MTCL3: variants seen among roughly 807,000 people sequenced by gnomAD.
The protein encoded by MTCL3 is MTCL family member 3.
the MTCL3 span, among the ~76,000 whole-genome samples, chr6:127,514,209 T>A: frequency 0.018 from 2,757 of 152,122 alleles, 99 homozygotes; most frequent in African/African-American, 0.063. Context: ...AATTGCACTT[T>A]AAAAAAATGA....
the MTCL3 span, among the ~76,000 whole-genome samples, chr6:127,489,866 G>A: frequency 6.6e-6 from 1 of 152,244 alleles, no homozygotes; most frequent in East Asian, 1.9e-4. Flanking sequence ...GCTGCAGCAT[G>A]CTATTGGGAA....
At chr6:127,506,319 A>G in the MTCL3 span, among the ~76,000 whole-genome samples, 1 of 152,152 alleles carries the variant, frequency 6.6e-6, no homozygotes, top group Non-Finnish European at 1.5e-5. Flanking sequence ...TTGTTGTACT[A>G]TATGGATTTT....
the MTCL3 span, among the ~76,000 whole-genome samples, chr6:127,505,220 C>T: frequency 3.3e-5 from 5 of 152,112 alleles, no homozygotes; most frequent in Admixed American, 1.3e-4. Context: ...GTAGCAATGG[C>T]GAGATAACTG....
chr6:127,508,540 G>A, the MTCL3 span, among the ~76,000 whole-genome samples: 2 of 152,176 alleles, frequency 1.3e-5, no homozygotes, highest in East Asian at 1.9e-4. Flanking sequence ...CAGTAGGCCA[G>A]TTAAGAACCC....
the MTCL3 span, chr6:127,475,515 G>A: frequency 2.5e-6 from 4 of 1,613,220 alleles, no homozygotes; most frequent in Non-Finnish European, 3.4e-6. The surrounding 1 kb of genome is among the most constrained non-coding windows in gnomAD (Gnocchi z 7.3). Flanking sequence ...TGATGATGGT[G>A]CTCGTGTCGG....
the MTCL3 span, among the ~76,000 whole-genome samples, chr6:127,493,457 A>C: frequency 2.5e-4 from 38 of 152,182 alleles, 2 homozygotes; most frequent in Admixed American, 2.2e-3. Flanking sequence ...GGTAATAATA[A>C]ATTTTAAAAG....
At chr6:127,514,872 G>C in the MTCL3 span, 1 of 1,614,028 alleles carries the variant, frequency 6.2e-7, no homozygotes, top group Non-Finnish European at 8.5e-7. Flanking sequence ...GATTTCCCCG[G>C]TCTGGGCGTA....
At chr6:127,500,351 A>C in the MTCL3 span, among the ~76,000 whole-genome samples, 37 of 152,182 alleles carry the variant, frequency 2.4e-4, no homozygotes, top group Admixed American at 2.4e-3. Context: ...AAATCAACCA[A>C]AGGCTATTTT....
At chr6:127,475,521 G>C in the MTCL3 span, 1 of 1,613,144 alleles carries the variant, frequency 6.2e-7, no homozygotes, top group Non-Finnish European at 8.5e-7. This position sits in a 1 kb window ranked among gnomAD's most constrained non-coding sequence, Gnocchi z 7.3. Context: ...TGGTGCTCGT[G>C]TCGGCGATGA....
chr6:127,517,061 C>T, the MTCL3 span, among the ~76,000 whole-genome samples: 5 of 152,130 alleles, frequency 3.3e-5, no homozygotes, highest in Admixed American at 2.0e-4. Flanking sequence ...AAAAGATATC[C>T]ATATATTAGA....
chr6:127,519,106 T>C, the MTCL3 span: 1 of 152,142 alleles, frequency 6.6e-6, no homozygotes, highest in African/African-American at 2.4e-5. Context: ...ACGCCCGAGA[T>C]GGAAGATTGG....
the MTCL3 span, chr6:127,512,924 T>C: frequency 6.2e-7 from 1 of 1,612,492 alleles, no homozygotes; most frequent in Non-Finnish European, 8.5e-7. Context: ...TCTGTAAAGC[T>C]TGCTTTGCAA....
At chr6:127,479,971 T>G in the MTCL3 span, among the ~76,000 whole-genome samples, 1 of 152,220 alleles carries the variant, frequency 6.6e-6, no homozygotes, top group African/African-American at 2.4e-5. Flanking sequence ...CAGTAAATAC[T>G]TTCTCCTATT....
At chr6:127,505,720 T>TA in the MTCL3 span, among the ~76,000 whole-genome samples, 2 of 152,096 alleles carry the variant, frequency 1.3e-5, no homozygotes, top group African/African-American at 4.8e-5. Context: ...TTTTTTAAAT[T>TA]AAAAAATGTG....
chr6:127,481,890 A>T, the MTCL3 span, among the ~76,000 whole-genome samples: 1 of 152,232 alleles, frequency 6.6e-6, no homozygotes, highest in Non-Finnish European at 1.5e-5. Flanking sequence ...GACCTTGCTG[A>T]TGAAACGCAT....
At chr6:127,504,090 T>A in the MTCL3 span, among the ~76,000 whole-genome samples, 2 of 152,158 alleles carry the variant, frequency 1.3e-5, no homozygotes, top group African/African-American at 2.4e-5. Flanking sequence ...GAAAAAGTTA[T>A]ATACAAATCA....
the MTCL3 span, among the ~76,000 whole-genome samples, chr6:127,512,181 AAGACTC>A: frequency 2.0e-5 from 3 of 152,112 alleles, no homozygotes; most frequent in Non-Finnish European, 2.9e-5. Flanking sequence ...GTTCTTTTAG[AAGACTC>A]ATGGTAAACA....
At chr6:127,500,240 G>A in the MTCL3 span, among the ~76,000 whole-genome samples, 1 of 152,142 alleles carries the variant, frequency 6.6e-6, no homozygotes, top group Non-Finnish European at 1.5e-5. Flanking sequence ...ATAAAAGTCA[G>A]ACTGATCTCA....
At chr6:127,517,608 A>AT in the MTCL3 span, 1 of 152,224 alleles carries the variant, frequency 6.6e-6, no homozygotes. Flanking sequence ...CTTACATCGC[A>AT]TATCATAGGC....
Sources: allele counts gnomAD v4.1 joint callset (sites outside exome capture counted in the v4.1 genomes callset), GRCh38; gene constraint gnomAD v4.1.1; non-coding constraint Gnocchi (gnomAD v3.1); transcripts MANE v1.5; gene names NCBI Gene and HGNC (gene_info 2026-07-23, HGNC 2026-07-21).